MYT1: variants seen among roughly 807,000 people sequenced by gnomAD.
MYT1 encodes myelin transcription factor 1, also known as myelin transcription factor I.
MYT1 carries 23 observed loss-of-function variants against 123.0 expected under a neutral mutation model. That is an observed-to-expected ratio of 0.19 (90% CI 0.13 to 0.26). The LOEUF (loss-of-function observed/expected upper bound fraction) is 0.26, where lower values mean the gene tolerates loss of function less well. Ranked by LOEUF, MYT1 falls within the 10% of genes least tolerant of loss-of-function variation. The pLI is 1.00. For missense variants in MYT1, 1,125 were observed against 1,472.5 expected, an observed-to-expected ratio of 0.76 and a Z score of 3.86; for synonymous variants, 518 against 575.3, an observed-to-expected ratio of 0.90 and a Z score of 1.43.
intron 13 of MYT1, among the ~76,000 whole-genome samples, chr20:64,220,433 G>C (rs1983967209): frequency 6.6e-6 from 1 of 152,252 alleles, no homozygotes; most frequent in Non-Finnish European, 1.5e-5. Flanking sequence ...CCTGGGCTTA[G>C]GATCGCCCAT....
At chr20:64,197,116 A>G (rs1983146927) in intron 2 of MYT1, among the ~76,000 whole-genome samples, 1 of 152,160 alleles carries the variant, frequency 6.6e-6, no homozygotes, top group South Asian at 2.1e-4. Context: ...AATTGTAGTA[A>G]TTGTCTTCCG....
intron 6 of MYT1, among the ~76,000 whole-genome samples, chr20:64,206,165 A>T (rs1983484952): frequency 6.6e-6 from 1 of 151,998 alleles, no homozygotes; most frequent in African/African-American, 2.4e-5. Context: ...GGAGGATCTT[A>T]GACTGGCCCT....
intron 1 of MYT1, among the ~76,000 whole-genome samples, chr20:64,173,492 T>G (rs7268899): frequency 0.024 from 989 of 40,790 alleles, no homozygotes; most frequent in East Asian, 0.047. Flanking sequence ...ATCCTTCCCT[T>G]TAGTTGTGTC....
chr20:64,201,915 C>T lies in MYT1; in HGVS notation c.86+1993C>T, dbSNP rs1333947372. On this transcript the variant is annotated intron_variant, in intron 4 of 22. Coordinates refer to ENST00000328439, the MANE Select transcript of MYT1 (RefSeq NM_004535.3). ...GGAACCCCCGTGTGTCGGGAACCCC[C>T]GCGTGTCGGGAACCCCCGCGTGTCG... is the stretch of plus-strand genomic sequence containing the variant. Among the ~76,000 whole-genome samples the T allele has an allele frequency of 6.1e-3, 814 of 132,678 alleles. 23 individuals carry two copies. The highest frequency in any genetic ancestry group is 0.02 in the African/African-American group (754 of 37,028). The allele number at this position is 132,678 out of a possible 152,430, so 87.0% of individuals were successfully genotyped here.
At chr20:64,201,577 G>A (rs1983301668) in intron 4 of MYT1, among the ~76,000 whole-genome samples, 1 of 152,206 alleles carries the variant, frequency 6.6e-6, no homozygotes, top group Non-Finnish European at 1.5e-5. Flanking sequence ...ACATCTGTTG[G>A]CCACACGCTT....
At chr20:64,220,227 G>T (rs1195474028) in intron 13 of MYT1, among the ~76,000 whole-genome samples, 2 of 152,226 alleles carry the variant, frequency 1.3e-5, no homozygotes, top group African/African-American at 4.8e-5. Flanking sequence ...GAAGGAGGTG[G>T]TCTTCTCACC....
Position 64,205,085 on chromosome 20 carries a change from C to T in MYT1, c.137C>T (p.Ser46Phe), listed in dbSNP as rs1170014470. ...TGSGHVRGKY[S>F]RHRSLQSCPL... ...TCAGGGCACGTCCGGGGCAAGTACT[C>T]CAGGCACCGAAGGTAAGAGGACCCT... The change falls in exon 5 of 23, where the codon TCC becomes TTC. Residue 46 changes from serine (S) to phenylalanine (F), a missense_variant. Around this residue, in one of 4 missense-constraint regions of MYT1, gnomAD observed 406 missense variants for 432.2 expected, o/e 0.94. Coordinates refer to ENST00000328439, the MANE Select transcript of MYT1 (RefSeq NM_004535.3). 1.1e-5 allele frequency: 17 copies of T among 1,613,936 alleles called. No individual in the cohort carries two copies. The East Asian group carries it at 3.6e-4, about 34-fold the overall frequency.
chr20:64,194,984 C>T (rs953460804), intron 2 of MYT1, among the ~76,000 whole-genome samples: 2 of 152,098 alleles, frequency 1.3e-5, no homozygotes, highest in Admixed American at 6.6e-5. Flanking sequence ...CAACCTTTGC[C>T]TCGGGGGTTC....
chr20:64,203,943 C>T lies in MYT1; in HGVS notation c.87-1092C>T, dbSNP rs1473394163. Among the ~76,000 whole-genome samples the T allele has an allele frequency of 2.0e-5, 3 of 152,240 alleles. No homozygotes were observed. Among genetic ancestry groups the T allele is most frequent in the Admixed American group, 2.0e-4 (3 of 15,282 alleles). ...AGAGCTCAGACTCACAATGCCAGTCCTGTTAAAAGCAAGGTCTTCCCATCT... is the reference window on the plus strand; with the variant it reads ...AGAGCTCAGACTCACAATGCCAGTCTTGTTAAAAGCAAGGTCTTCCCATCT... On this transcript the variant is annotated intron_variant, in intron 4 of 22. Coordinates refer to ENST00000328439, the MANE Select transcript of MYT1 (RefSeq NM_004535.3). The surrounding 1 kb of genome is among the most constrained non-coding windows in gnomAD (Gnocchi z 5.1).
At chr20:64,195,557 A>G (rs1454133551) in intron 2 of MYT1, among the ~76,000 whole-genome samples, 1 of 151,854 alleles carries the variant, frequency 6.6e-6, no homozygotes, top group Admixed American at 6.6e-5. Flanking sequence ...CACCACACCC[A>G]ACTAATTTTT....
At chr20:64,164,810 CAG>C (rs2145683791) in intron 1 of MYT1, 71 bp downstream of exon 1, 2 of 152,260 alleles carry the variant, frequency 1.3e-5, no homozygotes, top group South Asian at 4.1e-4. Flanking sequence ...TGGACAGAGA[CAG>C]GGAGAGGGCG....
intron 4 of MYT1, among the ~76,000 whole-genome samples, chr20:64,204,201 C>T (rs1329574842): frequency 6.6e-6 from 1 of 152,200 alleles, no homozygotes. Context: ...CCTGCCGCCA[C>T]GTTGGTTGGC....
At chr20:64,211,694 AAAT>A (rs1983671038) in intron 8 of MYT1, among the ~76,000 whole-genome samples, 1 of 152,260 alleles carries the variant, frequency 6.6e-6, no homozygotes, top group South Asian at 2.1e-4. Context: ...CTTAGGAAGC[AAAT>A]ACTTGTTCTT....
rs1310538671 is a variant in MYT1, at chr20:64,196,006, A to G, written c.1-2856A>G. 3.9e-5 allele frequency among the ~76,000 whole-genome samples: 6 copies of G among 152,200 alleles called. No homozygotes were observed. The highest frequency in any genetic ancestry group is 1.4e-4 in the African/African-American group (6 of 41,440). On this transcript the variant is annotated intron_variant, in intron 2 of 22. Coordinates refer to ENST00000328439, the MANE Select transcript of MYT1 (RefSeq NM_004535.3). This position sits in a 1 kb window ranked among gnomAD's most constrained non-coding sequence, Gnocchi z 4.3. ...GTGGCAGAATGAAGCTGGCATTTGG[A>G]GAAACAGAGCAGACGTTCTTGAGAA...
At chr20:64,200,243 C>T (rs75244365) in intron 4 of MYT1, among the ~76,000 whole-genome samples, 1,774 of 152,312 alleles carry the variant, frequency 0.012, 30 homozygotes, top group African/African-American at 0.041. Context: ...GCTCTCTTAC[C>T]GGACCCTCAC....
chr20:64,201,554 C>T (rs115620213), intron 4 of MYT1, among the ~76,000 whole-genome samples: 1 of 152,248 alleles, frequency 6.6e-6, no homozygotes. Flanking sequence ...ACCATTCATT[C>T]CTGTATTCTC....
chr20:64,199,287 G>T (rs952776892), intron 3 of MYT1, among the ~76,000 whole-genome samples: 1 of 152,234 alleles, frequency 6.6e-6, no homozygotes, highest in Non-Finnish European at 1.5e-5. Context: ...ATAGGAGGTT[G>T]TTGGGTTGAG....
chr20:64,187,984 G>C (rs544796617), intron 1 of MYT1, among the ~76,000 whole-genome samples: 35 of 152,208 alleles, frequency 2.3e-4, no homozygotes, highest in African/African-American at 7.0e-4. Context: ...GTTGATCCCC[G>C]GGATGCTAGT....
rs2145723676 is a variant in MYT1 at position 64,218,889 on chromosome 20, A to G, written c.1847-22A>G. ...CAGCCCCTCCAGTAGTTATGTGAGG[A>G]GCACTTCATCCTCTTCTGCAGGCTT... On this transcript the variant is annotated intron_variant, in intron 11 of 22. Transcript: ENST00000328439. The surrounding 1 kb of genome is among the most constrained non-coding windows in gnomAD (Gnocchi z 4.0). 6.2e-7 allele frequency: 1 copy of G among 1,613,108 alleles called. No homozygotes were observed. The highest frequency in any genetic ancestry group is 8.5e-7 in the Non-Finnish European group (1 of 1,180,004).
Sources: gnomAD v4.1 joint callset for allele counts (sites outside exome capture counted in the v4.1 genomes callset) on GRCh38, gnomAD v4.1.1 for gene constraint, gnomAD v4.1.1 regional missense constraint, Gnocchi (gnomAD v3.1) non-coding constraint, MANE v1.5 for transcripts, NCBI Gene and HGNC (gene_info 2026-07-23, HGNC 2026-07-21) for gene names.